TASP1: variants seen among roughly 807,000 people sequenced by gnomAD.
TASP1 encodes the protein taspase 1, also known as threonine aspartase 1.
In TASP1, 16 loss-of-function variants were observed where a neutral mutation model predicts 56.6. The ratio of observed to expected loss-of-function variants is 0.28; its 90% CI spans 0.19 to 0.43. The LOEUF is 0.43. Ranked by LOEUF, TASP1 falls within the 20% of genes least tolerant of loss-of-function variation. TASP1 has a pLI of 1.00. For synonymous variants in TASP1, 179 were observed against 184.2 expected (o/e 0.97, Z 0.23); for missense variants, 393 against 511.6 (o/e 0.77, Z 2.24).
chr20:13,427,731 ATTATTGTCCTT>A (rs1459267561), intron 12 of TASP1, among the ~76,000 whole-genome samples: 1 of 152,158 alleles, frequency 6.6e-6, no homozygotes, highest in Non-Finnish European at 1.5e-5. Flanking sequence ...TGTTCATTTT[ATTATTGTCCTT>A]TATAACTTAC....
the TASP1 span, among the ~76,000 whole-genome samples, chr20:13,235,591 AG>A: frequency 2.0e-5 from 3 of 152,188 alleles, no homozygotes; most frequent in Admixed American, 2.0e-4. Flanking sequence ...AGCTGGAGAA[AG>A]CTCTCACATG....
the TASP1 span, among the ~76,000 whole-genome samples, chr20:13,155,990 G>A: frequency 6.6e-6 from 1 of 152,170 alleles, no homozygotes; most frequent in Non-Finnish European, 1.5e-5. Context: ...TGTTAAGGAG[G>A]GTTGACAACA....
At chr20:13,440,260 T>G (rs1417526498) in intron 11 of TASP1, among the ~76,000 whole-genome samples, 1 of 152,200 alleles carries the variant, frequency 6.6e-6, no homozygotes, top group Non-Finnish European at 1.5e-5. Flanking sequence ...CCATGCATTC[T>G]TTCTCAGAAA....
At chr20:13,293,947 T>C in the TASP1 span, among the ~76,000 whole-genome samples, 1 of 151,708 alleles carries the variant, frequency 6.6e-6, no homozygotes, top group African/African-American at 2.4e-5. Flanking sequence ...GCACTCCAGC[T>C]TGGGCAACAA....
the TASP1 span, among the ~76,000 whole-genome samples, chr20:13,116,693 TA>T: frequency 6.6e-6 from 1 of 152,054 alleles, no homozygotes. Context: ...TCATGAAAAA[TA>T]AAACAGTTAG....
At chr20:13,173,319 G>C in the TASP1 span, among the ~76,000 whole-genome samples, 1 of 152,178 alleles carries the variant, frequency 6.6e-6, no homozygotes. Context: ...ACATCAGACA[G>C]ATGAAATCTT....
the TASP1 span, among the ~76,000 whole-genome samples, chr20:13,247,517 GGTGTGTGTGTGTGTGTGTGT>G: frequency 7.2e-6 from 1 of 139,806 alleles, no homozygotes; most frequent in Admixed American, 7.1e-5. Context: ...CAAAGTGAGG[GGTGTGTGTGTGTGTGTGTGT>G]GTGTGTGTGT....
intron 4 of TASP1, among the ~76,000 whole-genome samples, chr20:13,614,399 C>T (rs1261419503): frequency 7.3e-5 from 11 of 151,318 alleles, no homozygotes; most frequent in Non-Finnish European, 1.5e-5. Flanking sequence ...TCTTTAAGTG[C>T]CCAAGCTTTT....
chr20:13,280,845 A>AT, the TASP1 span, among the ~76,000 whole-genome samples: 1 of 152,156 alleles, frequency 6.6e-6, no homozygotes, highest in African/African-American at 2.4e-5. Flanking sequence ...ATCTGGCCAG[A>AT]TTTTGTGGGG....
intron 11 of TASP1, among the ~76,000 whole-genome samples, chr20:13,454,082 G>T (rs894248304): frequency 2.0e-5 from 3 of 151,866 alleles, no homozygotes; most frequent in African/African-American, 7.2e-5. Context: ...AAAACAAGGA[G>T]GCCAGTGTCC....
chr20:13,113,821 C>A, the TASP1 span, among the ~76,000 whole-genome samples: 1 of 152,202 alleles, frequency 6.6e-6, no homozygotes, highest in Non-Finnish European at 1.5e-5. Context: ...AACAATAAGT[C>A]ATCTATGTTG....
At chr20:13,326,955 C>T in the TASP1 span, among the ~76,000 whole-genome samples, 2 of 152,160 alleles carry the variant, frequency 1.3e-5, no homozygotes, top group Non-Finnish European at 2.9e-5. Context: ...ATTGGAAGTT[C>T]TGGCCAGGAC....
At chr20:13,323,628 A>G in the TASP1 span, among the ~76,000 whole-genome samples, 1 of 152,220 alleles carries the variant, frequency 6.6e-6, no homozygotes, top group Admixed American at 6.5e-5. Context: ...CCATACGACT[A>G]TAATTCTCAT....
At chr20:13,373,843 C>T in the TASP1 span, among the ~76,000 whole-genome samples, 1 of 152,190 alleles carries the variant, frequency 6.6e-6, no homozygotes, top group African/African-American at 2.4e-5. Context: ...CTTCTCCTTT[C>T]TCTTTCTTTT....
At chr20:13,325,998 G>A in the TASP1 span, among the ~76,000 whole-genome samples, 2 of 151,572 alleles carry the variant, frequency 1.3e-5, no homozygotes, top group East Asian at 1.9e-4. Flanking sequence ...TCCCAACTCC[G>A]GGTAACCACT....
chr20:13,425,242 C>T (rs2042579784), intron 12 of TASP1, among the ~76,000 whole-genome samples: 2 of 152,166 alleles, frequency 1.3e-5, no homozygotes, highest in Admixed American at 1.3e-4. Context: ...AAATCACCAG[C>T]TTTATGGGTT....
rs143556185 is a variant in TASP1, at chr20:13,529,939, C to T, written c.796-1428G>A. On this transcript the variant is annotated intron_variant, in intron 9 of 13. Coordinates refer to ENST00000337743, the MANE Select transcript of TASP1 (RefSeq NM_017714.3). Reference sequence around the variant, plus strand: ...CTCATGTGGGAACACATTCTGTTTACGGACACTTCCCATTGGTAGCAAATA... The same window carrying T: ...CTCATGTGGGAACACATTCTGTTTATGGACACTTCCCATTGGTAGCAAATA... Among the ~76,000 whole-genome samples, 789 of 152,306 alleles carry T rather than the reference C, an allele frequency of 5.2e-3. 5 individuals are homozygous for T. The highest frequency in any genetic ancestry group is 8.8e-3 in the Non-Finnish European group (602 of 68,024).
the TASP1 span, among the ~76,000 whole-genome samples, chr20:13,255,738 C>T: frequency 5.3e-5 from 8 of 152,174 alleles, no homozygotes; most frequent in African/African-American, 1.9e-4. Flanking sequence ...TCAGCCATTA[C>T]TTGCCCCCTC....
the TASP1 span, among the ~76,000 whole-genome samples, chr20:13,370,696 G>C: frequency 7.9e-5 from 12 of 152,012 alleles, no homozygotes; most frequent in Non-Finnish European, 1.8e-4. Context: ...AAGTAATTAA[G>C]GTAAAATGAG....
Sources: gnomAD v4.1 joint callset for allele counts (sites outside exome capture counted in the v4.1 genomes callset) on GRCh38, gnomAD v4.1.1 for gene constraint, MANE v1.5 for transcripts, NCBI Gene and HGNC (gene_info 2026-07-23, HGNC 2026-07-21) for gene names.